COL6A1: variants seen among roughly 807,000 people sequenced by gnomAD.
COL6A1 encodes collagen type VI alpha 1 chain.
Under a neutral mutation model 145.6 loss-of-function variants are expected in COL6A1, and 80 were observed. The ratio of observed to expected loss-of-function variants is 0.55; its 90% CI spans 0.46 to 0.66. The LOEUF is 0.66. COL6A1 is among the 30% of genes least tolerant of loss of function. The pLI is 0.00. For missense variants in COL6A1, 1,364 were observed against 1,473.8 expected (o/e 0.93, Z 1.22); for synonymous variants, 638 against 622.8 (o/e 1.02, Z -0.36).
chr21:45,986,890 C>G, intron 4 of COL6A1, 54 bp from the exon 5 acceptor site: 1 of 1,535,236 alleles, frequency 6.5e-7, no homozygotes. Flanking sequence ...GGGAAGCGGC[C>G]CCGGCCGTCA....
Position 45,990,155 on chromosome 21 carries a change from G to A in COL6A1, c.931-103G>A, listed in dbSNP as rs73374789. On this transcript the variant is annotated intron_variant, in intron 11 of 34. Coordinates refer to ENST00000361866, the MANE Select transcript of COL6A1 (RefSeq NM_001848.3). Reference sequence around the variant, plus strand: ...TTCTCAGCAGTGATGTTGTCCCCTCGGGTTGGGGGCACCCAAGCCCCTGCC... The same window carrying A: ...TTCTCAGCAGTGATGTTGTCCCCTCAGGTTGGGGGCACCCAAGCCCCTGCC... 2.1e-3 allele frequency: 2,966 copies of A among 1,388,024 alleles called. 58 individuals are homozygous for A. The African/African-American group carries it at 0.038, about 18-fold the overall frequency. The allele number at this position is 1,388,024 out of a possible 1,614,324, so 86.0% of individuals were successfully genotyped here.
intron 15 of COL6A1, among the ~76,000 whole-genome samples, 167 bp from the exon 16 acceptor site, chr21:45,991,843 G>T (rs545181287): frequency 6.6e-6 from 1 of 152,294 alleles, no homozygotes; most frequent in East Asian, 1.9e-4. Flanking sequence ...GGAGGTCTTT[G>T]TGCAGGGTTG....
chr21:46,000,854 C>T (rs1457964773), intron 29 of COL6A1, 87 bp downstream of exon 29: 26 of 1,525,396 alleles, frequency 1.7e-5, no homozygotes, highest in Admixed American at 3.3e-5. Flanking sequence ...CAGGACAGCA[C>T]ATGGCACTCT....
At position 46,002,541 on chromosome 21, in the gene COL6A1, C is replaced by T. The variant is rs776263631; in HGVS notation, c.2265C>T (p.Gly755=). The part of the protein sequence containing the change: ...CSPGIQVVSV[G]IKDVFDFIPG... ...TGTCCCCACAGGTGGTCTCCGTGGG[C>T]ATCAAAGACGTGTTTGACTTCATCC... Residue 755 remains glycine (G), a synonymous_variant, in exon 33 of 35, where the codon GGC becomes GGT. Coordinates refer to ENST00000361866, the MANE Select transcript of COL6A1 (RefSeq NM_001848.3). 1 of 1,614,036 alleles carries T rather than the reference C, an allele frequency of 6.2e-7. No homozygotes were observed.
chr21:45,987,458 T>C (rs1034152489), intron 6 of COL6A1, 41 bp from the exon 7 acceptor site: 1 of 1,612,758 alleles, frequency 6.2e-7, no homozygotes, highest in Non-Finnish European at 8.5e-7. Flanking sequence ...CGTATGTCCG[T>C]GGCTTTCCCA....
At position 46,002,237 on chromosome 21, in the gene COL6A1, TG is replaced by T; in HGVS notation, c.2088del (p.Trp696Ter). ...ATGCAGAGCCATCAAGAGCCTGCAG[TG>T]GATGGCGGGCGGCACCTTCACGGGG... ...ELKEAIKSLQWMAGGTFTGEA... is the reference protein window; with the variant it reads ...ELKEAIKSLQXMAGGTFTGEA... On this transcript the variant is annotated frameshift_variant, in exon 32 of 35. Coordinates refer to ENST00000361866, the MANE Select transcript of COL6A1 (RefSeq NM_001848.3). LOFTEE classifies it high-confidence loss of function. The T allele has an allele frequency of 6.2e-7, 1 of 1,602,848 alleles. No individual in the cohort carries two copies. Among genetic ancestry groups the T allele is most frequent in the East Asian group, 2.2e-5 (1 of 44,498 alleles).
chr21:46,000,650 AAGGAGGG>A, intron 28 of COL6A1, 102 bp from the exon 29 acceptor site: 2 of 1,288,110 alleles, frequency 1.6e-6, no homozygotes, highest in Non-Finnish European at 2.1e-6. Context: ...GAGGCCGGGG[AAGGAGGG>A]CGGCCGGGGA....
chr21:45,990,750 T>C, intron 13 of COL6A1, 23 bp from the exon 14 acceptor site: 1 of 1,612,118 alleles, frequency 6.2e-7, no homozygotes, highest in Non-Finnish European at 8.5e-7. Context: ...CGTCAGATTT[T>C]CTAGTTTTCT....
Position 46,003,420 on chromosome 21 carries a change from A to G in COL6A1, c.2494A>G (p.Ile832Val). The stretch of plus-strand genomic sequence containing the variant: ...GTTCTCCTCCCCGGCTGACATCACC[A>G]TCCTGCTGGACGGCTCCGCCAGCGT... ...ITFSSPADITILLDGSASVGS... is the reference protein window; with the variant it reads ...ITFSSPADITVLLDGSASVGS... Residue 832 changes from isoleucine to valine, a missense_variant, in exon 35 of 35, where the codon ATC becomes GTC. Coordinates refer to ENST00000361866, the MANE Select transcript of COL6A1 (RefSeq NM_001848.3). 13 of 1,602,130 alleles carry G rather than the reference A, an allele frequency of 8.1e-6. No individual in the cohort carries two copies. The highest frequency in any genetic ancestry group is 3.3e-5 in the South Asian group (3 of 91,064).
At chr21:45,997,602 G>A in intron 21 of COL6A1, 98 bp from the exon 22 acceptor site, 1 of 1,533,638 alleles carries the variant, frequency 6.5e-7, no homozygotes, top group Non-Finnish European at 8.9e-7. Context: ...GGGTGTCCTG[G>A]CTCCCGATGG....
chr21:45,997,913 G>A, intron 22 of COL6A1, 151 bp downstream of exon 22: 2 of 1,119,892 alleles, frequency 1.8e-6, no homozygotes, highest in Non-Finnish European at 2.5e-6. Context: ...GTCGGCACCT[G>A]AGCCAGAGGC....
chr21:45,990,712 T>A (rs1980981), intron 13 of COL6A1, 61 bp from the exon 14 acceptor site: 1 of 1,466,114 alleles, frequency 6.8e-7, no homozygotes, highest in Middle Eastern at 1.8e-4. Context: ...AGTCTGACAG[T>A]TGATTGGCCT....
At position 45,986,665 on chromosome 21, in the gene COL6A1, G is replaced by A; in HGVS notation, c.568G>A (p.Ala190Thr). Residue 190 changes from alanine (A) to threonine (T), a missense_variant, in exon 4 of 35, where the codon GCC (alanine) becomes ACC (threonine). This residue lies in a region of COL6A1 where 414 missense variants were observed against 437.6 expected (regional missense o/e 0.95). Coordinates refer to ENST00000361866, the MANE Select transcript of COL6A1 (RefSeq NM_001848.3). The part of the protein sequence containing the change: ...KHLGVKVFSV[A>T]ITPDHLEPRL... ...CCTGGGCGTCAAAGTCTTCTCGGTG[G>A]CCATCACACCCGACCACCTGGTAGG... 6.5e-7 allele frequency: 1 copy of A among 1,549,312 alleles called. No homozygotes were observed. The highest frequency in any genetic ancestry group is 8.7e-7 in the Non-Finnish European group (1 of 1,147,336).
Position 45,984,120 on chromosome 21 carries a change from G to A in COL6A1, c.228-149G>A, listed in dbSNP as rs918061069. ...GCCTGCACAGCCTTCCAGGAGGGCC[G>A]GCCTCAGGGCCACAGGGCAAGTCCA... On this transcript the variant is annotated intron_variant, in intron 2 of 34. Coordinates refer to ENST00000361866, the MANE Select transcript of COL6A1 (RefSeq NM_001848.3). 2.8e-5 allele frequency: 23 copies of A among 822,546 alleles called. No homozygotes were observed. The Middle Eastern group carries it at 1.0e-3, about 36-fold the overall frequency. The allele number at this position is 822,546 out of a possible 1,614,324, so 51.0% of individuals were successfully genotyped here. A position where few individuals can be genotyped will look rare whatever the true frequency, so the allele number is the denominator to read the frequency against.
chr21:45,997,103 G>A (rs2077809389), intron 20 of COL6A1, among the ~76,000 whole-genome samples: 2 of 150,572 alleles, frequency 1.3e-5, no homozygotes, highest in African/African-American at 5.0e-5. Flanking sequence ...TCTGGGACAG[G>A]CTTCACCCTT....
intron 30 of COL6A1, among the ~76,000 whole-genome samples, chr21:46,001,680 AC>A (rs1401089844): frequency 1.3e-5 from 2 of 152,116 alleles, no homozygotes; most frequent in African/African-American, 4.8e-5. Flanking sequence ...CGTGGACAGA[AC>A]CCAGGAGGGC....
At chr21:45,998,349 C>T in intron 23 of COL6A1, 49 bp from the exon 24 acceptor site, 1 of 1,611,818 alleles carries the variant, frequency 6.2e-7, no homozygotes, top group Non-Finnish European at 8.5e-7. Context: ...CTCACAGCCT[C>T]CCCTCTCAAA....
chr21:46,001,237 C>A lies in COL6A1; in HGVS notation c.1823-16C>A. On this transcript the variant is annotated splice_polypyrimidine_tract_variant and intron_variant, in intron 29 of 34. Coordinates refer to ENST00000361866, the MANE Select transcript of COL6A1 (RefSeq NM_001848.3). ...AGGGGAGGGGCGTGCTCTGCTGACA[C>A]CGCCCCCGCCTGCAGAATGCAAGTG... is the stretch of plus-strand genomic sequence containing the variant. The A allele has an allele frequency of 6.3e-7, 1 of 1,599,920 alleles. No individual in the cohort carries two copies. The highest frequency in any genetic ancestry group is 8.5e-7 in the Non-Finnish European group (1 of 1,177,466).
chr21:45,991,353 C>T (rs1382485625), intron 15 of COL6A1, among the ~76,000 whole-genome samples: 2 of 152,184 alleles, frequency 1.3e-5, no homozygotes, highest in African/African-American at 4.8e-5. Flanking sequence ...CACTCCTAGC[C>T]TGCGAGCCGC....
Sources: allele counts gnomAD v4.1 joint callset (sites outside exome capture counted in the v4.1 genomes callset), GRCh38; gene constraint gnomAD v4.1.1; regional missense constraint gnomAD v4.1.1; transcripts MANE v1.5; gene names NCBI Gene and HGNC (gene_info 2026-07-23, HGNC 2026-07-21).